Variants in RBFOX1 observed in about 807,000 individuals in gnomAD.
RBFOX1 encodes RNA binding fox-1 homolog 1, also known as RNA binding protein fox-1 homolog 1.
A neutral mutation model predicts 57.7 loss-of-function variants in RBFOX1; 8 were observed. The ratio of observed to expected loss-of-function variants is 0.14; its 90% CI spans 0.08 to 0.25. The LOEUF is 0.25. Ranked by LOEUF, RBFOX1 falls within the 10% of genes least tolerant of loss-of-function variation. The pLI is 1.00. For synonymous variants in RBFOX1, 326 were observed against 222.4 expected, an observed-to-expected ratio of 1.47 and a Z score of -4.15; for missense variants, 611 against 548.5, an observed-to-expected ratio of 1.11 and a Z score of -1.14.
chr16:5,742,247 C>CCTTCCTCCCTTCCTTCTTTCCTTT (rs1567476924), intron 3 of RBFOX1, among the ~76,000 whole-genome samples: 1 of 141,088 alleles, frequency 7.1e-6, no homozygotes, highest in African/African-American at 2.7e-5. Context: ...TCCCTTCCTT[C>CCTTCCTCCCTTCCTTCTTTCCTTT]CTTCCTCCCT....
intron 5 of RBFOX1, among the ~76,000 whole-genome samples, chr16:7,542,609 C>G (rs2083247080): frequency 6.7e-6 from 1 of 149,506 alleles, no homozygotes; most frequent in Non-Finnish European, 1.5e-5. Flanking sequence ...AATCCCAGCA[C>G]TTTGGGAGGC....
intron 1 of RBFOX1, among the ~76,000 whole-genome samples, chr16:6,061,451 GTCA>G (rs1308709311): frequency 2.6e-5 from 4 of 151,730 alleles, no homozygotes; most frequent in East Asian, 1.9e-4. Flanking sequence ...TATATGTATA[GTCA>G]TCATATATGT....
chr16:6,844,195 T>G (rs1290068352), intron 3 of RBFOX1, among the ~76,000 whole-genome samples: 1 of 152,096 alleles, frequency 6.6e-6, no homozygotes, highest in African/African-American at 2.4e-5. Flanking sequence ...CTTCTTTTTT[T>G]TTTTCCTTCA....
chr16:7,192,457 A>G (rs189121103), intron 4 of RBFOX1, among the ~76,000 whole-genome samples: 5 of 152,336 alleles, frequency 3.3e-5, no homozygotes, highest in African/African-American at 1.2e-4. Context: ...GGAGATTATA[A>G]TACGTGGAAT....
intron 4 of RBFOX1, among the ~76,000 whole-genome samples, chr16:7,458,376 C>G (rs2058938181): frequency 6.6e-6 from 1 of 152,186 alleles, no homozygotes; most frequent in African/African-American, 2.4e-5. Flanking sequence ...CCCATGCTGT[C>G]CTGGAGCATG....
chr16:5,805,591 A>T (rs2055199792), intron 3 of RBFOX1, among the ~76,000 whole-genome samples: 1 of 152,230 alleles, frequency 6.6e-6, no homozygotes, highest in African/African-American at 2.4e-5. Flanking sequence ...TCAAAAGGTT[A>T]AAGGAAACAG....
intron 3 of RBFOX1, among the ~76,000 whole-genome samples, chr16:6,729,947 C>G (rs1164298344): frequency 1.3e-5 from 2 of 152,018 alleles, no homozygotes; most frequent in Non-Finnish European, 2.9e-5. Context: ...GAGATAATGG[C>G]TGATCAAAAA....
At chr16:6,174,080 AC>A (rs2096984182) in intron 1 of RBFOX1, among the ~76,000 whole-genome samples, 5 of 151,978 alleles carry the variant, frequency 3.3e-5, no homozygotes, top group Admixed American at 3.3e-4. Flanking sequence ...TGAGTTCATC[AC>A]CCTGTGGTTG....
chr16:5,992,258 A>G (rs1052244701), intron 4 of RBFOX1, among the ~76,000 whole-genome samples: 5 of 152,216 alleles, frequency 3.3e-5, no homozygotes, highest in African/African-American at 1.2e-4. Flanking sequence ...AAGATTGTTT[A>G]TGTCAGAATG....
chr16:6,107,921 G>A (rs1378396920), intron 1 of RBFOX1, among the ~76,000 whole-genome samples: 2 of 152,046 alleles, frequency 1.3e-5, no homozygotes, highest in Non-Finnish European at 2.9e-5. Flanking sequence ...TTTTAGCCAT[G>A]TTTCCTCCAA....
chr16:7,449,218 C>T (rs948257032), intron 4 of RBFOX1, among the ~76,000 whole-genome samples: 1 of 152,052 alleles, frequency 6.6e-6, no homozygotes, highest in Admixed American at 6.5e-5. Flanking sequence ...CGTGAGCCAC[C>T]ATGCCCAGCC....
In RBFOX1 at chr16:7,656,198, T is replaced by C. The variant is rs1219128355; in HGVS notation, c.890+2251T>C. 3.9e-5 allele frequency among the ~76,000 whole-genome samples: 6 copies of C among 152,198 alleles called. No homozygotes were observed. The South Asian group carries it at 8.3e-4, about 21-fold the overall frequency. ...AGGACTAAGATTGCAAGCATTCATG[T>C]CTGCAATAACCTATTAGAGCAAGGT... On this transcript the variant is annotated intron_variant, in intron 12 of 15. Coordinates refer to ENST00000550418, the MANE Select transcript of RBFOX1 (RefSeq NM_018723.4).
chr16:6,088,134 G>T (rs553910581), intron 1 of RBFOX1, among the ~76,000 whole-genome samples: 2 of 152,206 alleles, frequency 1.3e-5, no homozygotes, highest in South Asian at 4.2e-4. Context: ...TGTAACGGTG[G>T]CCATAGAACC....
At chr16:7,381,733 C>T (rs541005531) in intron 4 of RBFOX1, among the ~76,000 whole-genome samples, 59 of 152,172 alleles carry the variant, frequency 3.9e-4, no homozygotes, top group Non-Finnish European at 6.6e-4. Context: ...CACACTTTCC[C>T]TTAATGGTTG....
At chr16:5,649,248 A>C (rs1350836471) in intron 3 of RBFOX1, among the ~76,000 whole-genome samples, 1 of 151,886 alleles carries the variant, frequency 6.6e-6, no homozygotes, top group Non-Finnish European at 1.5e-5. Flanking sequence ...GGCTCACTGC[A>C]ACCTCCGCCT....
chr16:7,317,881 C>G (rs2096473677), intron 4 of RBFOX1, among the ~76,000 whole-genome samples: 1 of 152,190 alleles, frequency 6.6e-6, no homozygotes, highest in Admixed American at 6.5e-5. Context: ...ATGGCACGAG[C>G]TAGTTTGTAT....
At chr16:6,841,784 C>G (rs1002555723) in intron 3 of RBFOX1, among the ~76,000 whole-genome samples, 4 of 152,102 alleles carry the variant, frequency 2.6e-5, no homozygotes, top group Non-Finnish European at 5.9e-5. Context: ...GTTCCATTCT[C>G]AAGCCAGTGA....
At chr16:5,905,425 C>G (rs983457107) in intron 4 of RBFOX1, among the ~76,000 whole-genome samples, 2 of 152,028 alleles carry the variant, frequency 1.3e-5, no homozygotes, top group Admixed American at 6.6e-5. Context: ...TGAAGACACA[C>G]AGAAGGCCAG....
At chr16:5,499,389 C>G (rs936087144) in intron 2 of RBFOX1, among the ~76,000 whole-genome samples, 1 of 152,144 alleles carries the variant, frequency 6.6e-6, no homozygotes, top group African/African-American at 2.4e-5. Flanking sequence ...TGTCTCCCTT[C>G]TGCTCACCAA....
Sources: gnomAD v4.1 joint callset for allele counts (sites outside exome capture counted in the v4.1 genomes callset) on GRCh38, gnomAD v4.1.1 for gene constraint, MANE v1.5 for transcripts, NCBI Gene and HGNC (gene_info 2026-07-23, HGNC 2026-07-21) for gene names.